Variants in CTNNA3 observed in about 807,000 individuals in gnomAD.
CTNNA3 encodes catenin alpha 3.
Under a neutral mutation model 95.7 loss-of-function variants are expected in CTNNA3, and 76 were observed. The observed-to-expected ratio is 0.79, with a 90% CI of 0.66 to 0.96. The LOEUF (loss-of-function observed/expected upper bound fraction) is 0.96. Among genes scored for constraint, CTNNA3 ranks in the 40% least tolerant of loss-of-function variants. The pLI is 0.00. For missense variants in CTNNA3, 1,191 were observed against 1,089.8 expected (o/e 1.09, Z -1.31); for synonymous variants, 431 against 374.4 (o/e 1.15, Z -1.74).
intron 7 of CTNNA3, among the ~76,000 whole-genome samples, chr10:66,846,878 A>G (rs1320185102): frequency 1.3e-5 from 2 of 152,122 alleles, no homozygotes; most frequent in African/African-American, 2.4e-5. Flanking sequence ...TGAAATCCCT[A>G]TTGGTAAGTT....
intron 16 of CTNNA3, among the ~76,000 whole-genome samples, chr10:65,979,368 A>G (rs1310907578): frequency 6.6e-6 from 1 of 152,134 alleles, no homozygotes; most frequent in Non-Finnish European, 1.5e-5. Flanking sequence ...TGAGTGTCCT[A>G]TGTAATAGAC....
chr10:66,429,763 A>G (rs1340430299), intron 11 of CTNNA3, among the ~76,000 whole-genome samples: 4 of 152,154 alleles, frequency 2.6e-5, no homozygotes, highest in African/African-American at 7.2e-5. Context: ...AAAAATAATA[A>G]CAGCTACATA....
At chr10:66,234,540 C>T (rs564534570) in intron 13 of CTNNA3, among the ~76,000 whole-genome samples, 2 of 152,172 alleles carry the variant, frequency 1.3e-5, no homozygotes, top group South Asian at 2.1e-4. Flanking sequence ...TTTGTAGTTG[C>T]GTGTCTGATA....
At chr10:67,002,164 CCT>C (rs1851727185) in intron 7 of CTNNA3, among the ~76,000 whole-genome samples, 1 of 152,118 alleles carries the variant, frequency 6.6e-6, no homozygotes, top group Non-Finnish European at 1.5e-5. Flanking sequence ...ACTAATTTCC[CCT>C]TTTTGAATTT....
At chr10:67,337,781 C>T (rs1349940565) in intron 5 of CTNNA3, among the ~76,000 whole-genome samples, 1 of 152,158 alleles carries the variant, frequency 6.6e-6, no homozygotes, top group Non-Finnish European at 1.5e-5. Context: ...TCATGATCCA[C>T]TGAAGGCTCA....
intron 5 of CTNNA3, among the ~76,000 whole-genome samples, chr10:67,470,569 C>T (rs1193804090): frequency 1.3e-5 from 2 of 151,998 alleles, no homozygotes; most frequent in African/African-American, 2.4e-5. Context: ...CTTGTCTAGA[C>T]ATACAGACTG....
At chr10:67,045,017 T>TC (rs991916777) in intron 7 of CTNNA3, among the ~76,000 whole-genome samples, 72 of 152,020 alleles carry the variant, frequency 4.7e-4, no homozygotes, top group Non-Finnish European at 4.0e-4. Context: ...TAAATGTTAA[T>TC]CCCCCCAGGT....
chr10:66,046,443 C>G (rs2079830166), intron 15 of CTNNA3, among the ~76,000 whole-genome samples: 1 of 152,112 alleles, frequency 6.6e-6, no homozygotes, highest in South Asian at 2.1e-4. Flanking sequence ...TACAATATAC[C>G]AGAATCTCTG....
At chr10:66,652,086 C>T (rs1236994165) in intron 9 of CTNNA3, among the ~76,000 whole-genome samples, 3 of 87,960 alleles carry the variant, frequency 3.4e-5, no homozygotes, top group African/African-American at 1.4e-4. Flanking sequence ...AAATGTTACA[C>T]CTCAAGGAAC....
intron 16 of CTNNA3, among the ~76,000 whole-genome samples, chr10:65,971,379 GTT>G (rs57963750): frequency 7.1e-6 from 1 of 140,102 alleles, no homozygotes. Context: ...CCAAAGTTGT[GTT>G]TTTTTTTTTT....
intron 7 of CTNNA3, chr10:66,928,071 C>G (rs145498713): frequency 1.2e-6 from 2 of 1,614,070 alleles, no homozygotes; most frequent in Non-Finnish European, 1.7e-6. Flanking sequence ...CCAAGCTCCC[C>G]AGGCCGAAGC....
At chr10:66,587,461 C>T (rs575948255) in intron 10 of CTNNA3, among the ~76,000 whole-genome samples, 1 of 152,060 alleles carries the variant, frequency 6.6e-6, no homozygotes, top group African/African-American at 2.4e-5. Flanking sequence ...CCAAACATCC[C>T]TGTATATTGC....
Position 66,621,744 on chromosome 10 carries a change from C to T in CTNNA3, c.1322G>A (p.Gly441Glu). The T allele has an allele frequency of 6.2e-7, 1 of 1,612,138 alleles. No homozygotes were observed. Among genetic ancestry groups the T allele is most frequent in the Non-Finnish European group, 8.5e-7 (1 of 1,179,092 alleles). Residue 441 changes from glycine to glutamate, a missense_variant, in exon 10 of 18, where the codon GGA becomes GAA. Gly to Glu is a moderately conservative substitution (Grantham distance 98). Transcript: ENST00000433211. ...LACSMSTNED[G>E]IKIVKIAANH... is the part of the protein sequence containing the mutation. Reference sequence around the variant, plus strand: ...GGCTGCAATTTTGACAATTTTAATTCCATCTTCATTTGTTGACATGGAACA... The same window carrying T: ...GGCTGCAATTTTGACAATTTTAATTTCATCTTCATTTGTTGACATGGAACA...
chr10:66,600,600 A>G (rs1843885247), intron 10 of CTNNA3, among the ~76,000 whole-genome samples: 1 of 151,860 alleles, frequency 6.6e-6, no homozygotes, highest in African/African-American at 2.4e-5. Flanking sequence ...CTGTATTTTA[A>G]CTTCCTCCCC....
In CTNNA3 at chr10:66,048,456, A is replaced by G. The variant is rs557667821; in HGVS notation, c.2159+20852T>C. 6.6e-5 allele frequency among the ~76,000 whole-genome samples: 10 copies of G among 152,246 alleles called. No individual in the cohort carries two copies. The South Asian group carries it at 2.1e-3, about 32-fold the overall frequency. On this transcript the variant is annotated intron_variant, in intron 15 of 17. Transcript: ENST00000433211. ...GATTGAAGCCGGACCTCTTCCTTAT[A>G]CCACATACAAAAATCAACTCAAGGC...
At chr10:65,948,085 G>A (rs2077547655) in intron 17 of CTNNA3, among the ~76,000 whole-genome samples, 1 of 152,104 alleles carries the variant, frequency 6.6e-6, no homozygotes, top group African/African-American at 2.4e-5. Context: ...AGATCATCCT[G>A]GCTAACACGG....
At chr10:67,286,782 A>G (rs1330962594) in intron 5 of CTNNA3, among the ~76,000 whole-genome samples, 1 of 152,222 alleles carries the variant, frequency 6.6e-6, no homozygotes, top group Non-Finnish European at 1.5e-5. Flanking sequence ...CCTGACTTAA[A>G]ATTCTACAAC....
chr10:66,380,631 A>C (rs909714374), intron 11 of CTNNA3, among the ~76,000 whole-genome samples: 1 of 105,462 alleles, frequency 9.5e-6, no homozygotes, highest in African/African-American at 4.4e-5. Flanking sequence ...CTATCTATAT[A>C]TATATATATA....
chr10:67,522,996 A>G (rs1840030690), intron 4 of CTNNA3, among the ~76,000 whole-genome samples: 1 of 152,190 alleles, frequency 6.6e-6, no homozygotes, highest in African/African-American at 2.4e-5. Flanking sequence ...ACAGGCTAAT[A>G]AGATTTTATA....
Sources: gnomAD v4.1 joint callset for allele counts (sites outside exome capture counted in the v4.1 genomes callset) on GRCh38, gnomAD v4.1.1 for gene constraint, MANE v1.5 for transcripts, NCBI Gene and HGNC (gene_info 2026-07-23, HGNC 2026-07-21) for gene names.